The following CNTN4 variants were observed in gnomAD, a reference collection of about 807,000 sequenced individuals.
CNTN4 encodes the protein contactin 4.
In CNTN4, 77 loss-of-function variants were observed where a neutral mutation model predicts 122.5. The observed-to-expected ratio is 0.63, with a 90% CI of 0.52 to 0.76. The LOEUF (loss-of-function observed/expected upper bound fraction) is 0.76, where lower values mean the gene tolerates loss of function less well. Among genes scored for constraint, CNTN4 ranks in the 30% least tolerant of loss-of-function variants. The probability of loss-of-function intolerance (pLI) is 0.00; values close to 1 mark genes in which losing one functional copy is unlikely to be tolerated. For missense variants in CNTN4, 1,256 were observed against 1,259.1 expected, an observed-to-expected ratio of 1.00 and a Z score of 0.04; for synonymous variants, 512 against 447.0, an observed-to-expected ratio of 1.15 and a Z score of -1.83.
chr3:2,627,618 C>T (rs890247193), intron 4 of CNTN4, among the ~76,000 whole-genome samples: 2 of 151,586 alleles, frequency 1.3e-5, no homozygotes, highest in Non-Finnish European at 2.9e-5. Flanking sequence ...TTCAGCCTCC[C>T]GAGTAGTTGG....
chr3:2,123,962 G>A (rs1261520696), intron 2 of CNTN4, among the ~76,000 whole-genome samples: 1 of 152,180 alleles, frequency 6.6e-6, no homozygotes, highest in African/African-American at 2.4e-5. Flanking sequence ...ATAATCAGAT[G>A]TGAGAATTTA....
chr3:2,906,929 A>G (rs1047137195), intron 12 of CNTN4, among the ~76,000 whole-genome samples: 4 of 152,120 alleles, frequency 2.6e-5, no homozygotes, highest in African/African-American at 9.7e-5. Flanking sequence ...TTGAATGACA[A>G]GCTTGCAAGT....
At chr3:2,294,872 C>T (rs2042252715) in intron 2 of CNTN4, among the ~76,000 whole-genome samples, 1 of 152,032 alleles carries the variant, frequency 6.6e-6, no homozygotes, top group African/African-American at 2.4e-5. Flanking sequence ...GTTCCCCTTC[C>T]TGTGTCCACG....
intron 6 of CNTN4, among the ~76,000 whole-genome samples, chr3:2,761,437 CCTGTGTGTGTGTGT>C (rs1207355066): frequency 3.1e-4 from 41 of 130,454 alleles, no homozygotes; most frequent in South Asian, 1.6e-3. Flanking sequence ...GTAAGTGTAA[CCTGTGTGTGTGTGT>C]GTGTGTGTGT....
intron 2 of CNTN4, among the ~76,000 whole-genome samples, chr3:2,213,268 G>A (rs981731941): frequency 1.3e-5 from 2 of 152,078 alleles, no homozygotes; most frequent in African/African-American, 4.8e-5. Context: ...TCAACACTAC[G>A]GAGAATCTGG....
chr3:2,407,709 C>T (rs144389201), intron 3 of CNTN4, among the ~76,000 whole-genome samples: 38 of 152,194 alleles, frequency 2.5e-4, no homozygotes, highest in South Asian at 8.3e-4. Flanking sequence ...TTCCCAAATG[C>T]GTCAAAATGT....
chr3:2,717,569 A>G (rs2087573212), intron 4 of CNTN4, among the ~76,000 whole-genome samples: 1 of 152,158 alleles, frequency 6.6e-6, no homozygotes, highest in Non-Finnish European at 1.5e-5. Flanking sequence ...ATGATCTAAT[A>G]AGTCATAACT....
chr3:2,611,792 A>T (rs181361592), intron 4 of CNTN4, among the ~76,000 whole-genome samples: 6 of 152,104 alleles, frequency 3.9e-5, no homozygotes, highest in Non-Finnish European at 8.8e-5. Context: ...ACTAGCCAAG[A>T]TGTTTTGTCT....
Position 2,970,968 on chromosome 3 carries a change from A to G in CNTN4, c.1359-17377A>G, listed in dbSNP as rs533779467. Among the ~76,000 whole-genome samples the G allele has an allele frequency of 3.3e-5, 5 of 151,726 alleles. No individual in the cohort carries two copies. The South Asian group carries it at 1.0e-3, about 32-fold the overall frequency. On this transcript the variant is annotated intron_variant, in intron 13 of 24. Transcript: ENST00000418658. The stretch of plus-strand genomic sequence containing the variant: ...ATGCCCAGTTAATTTTGCATTTTTC[A>G]TAAAGACAGGGTTTCACCATGTTAG...
At chr3:3,039,923 A>G (rs989162497) in intron 19 of CNTN4, 114 bp from the exon 20 acceptor site, 15 of 771,050 alleles carry the variant, frequency 1.9e-5, no homozygotes, top group Non-Finnish European at 3.0e-5. Flanking sequence ...CAAAACGCCA[A>G]ATAAGATGGG....
At chr3:2,918,883 C>T (rs764759175) in intron 12 of CNTN4, among the ~76,000 whole-genome samples, 1 of 152,196 alleles carries the variant, frequency 6.6e-6, no homozygotes, top group South Asian at 2.1e-4. Flanking sequence ...ATGTAGTGTT[C>T]AGGCAAAGCC....
intron 2 of CNTN4, among the ~76,000 whole-genome samples, chr3:2,146,592 T>C (rs1250042416): frequency 6.6e-6 from 1 of 152,210 alleles, no homozygotes; most frequent in Non-Finnish European, 1.5e-5. Context: ...GTAAAATAGA[T>C]ACTGGTCATG....
intron 3 of CNTN4, among the ~76,000 whole-genome samples, chr3:2,509,420 A>G (rs1007511145): frequency 1.3e-5 from 2 of 152,250 alleles, no homozygotes; most frequent in African/African-American, 4.8e-5. Context: ...CTTAAAAAAC[A>G]TGTTGAACCA....
chr3:3,054,773 T>C (rs1188982844), intron 24 of CNTN4, among the ~76,000 whole-genome samples: 1 of 152,224 alleles, frequency 6.6e-6, no homozygotes, highest in East Asian at 1.9e-4. Flanking sequence ...GTGGTGCTGG[T>C]TGCACAACAC....
chr3:2,562,531 G>T (rs2079000379), intron 3 of CNTN4, among the ~76,000 whole-genome samples: 1 of 152,070 alleles, frequency 6.6e-6, no homozygotes, highest in South Asian at 2.1e-4. Flanking sequence ...GCCTCCAGCT[G>T]CATCCATCTT....
At chr3:2,985,893 A>G (rs1694514548) in intron 13 of CNTN4, among the ~76,000 whole-genome samples, 2 of 151,916 alleles carry the variant, frequency 1.3e-5, no homozygotes, top group African/African-American at 4.8e-5. Context: ...ATATATACAA[A>G]TGACCAAATA....
chr3:2,359,468 A>C (rs533300915), intron 3 of CNTN4, among the ~76,000 whole-genome samples: 7 of 152,210 alleles, frequency 4.6e-5, no homozygotes, highest in Non-Finnish European at 1.0e-4. Flanking sequence ...TTTCAAACAA[A>C]TCATTTTCTA....
chr3:2,543,761 A>G (rs938293999), intron 3 of CNTN4, among the ~76,000 whole-genome samples: 5 of 152,096 alleles, frequency 3.3e-5, no homozygotes, highest in Admixed American at 2.0e-4. Context: ...AATCACAATG[A>G]TATTTTCTCT....
chr3:2,887,631 T>G (rs1045465968), intron 10 of CNTN4, among the ~76,000 whole-genome samples: 1 of 152,168 alleles, frequency 6.6e-6, no homozygotes, highest in Non-Finnish European at 1.5e-5. Context: ...GCTAATCTTT[T>G]GTAATTGCTC....
Sources: allele counts gnomAD v4.1 joint callset (sites outside exome capture counted in the v4.1 genomes callset), GRCh38; gene constraint gnomAD v4.1.1; transcripts MANE v1.5; gene names NCBI Gene and HGNC (gene_info 2026-07-23, HGNC 2026-07-21).